MXD4: variants seen among roughly 807,000 people sequenced by gnomAD.
The protein encoded by MXD4 is MAX dimerization protein 4, also known as Mad4 homolog.
MXD4 carries 16 observed loss-of-function variants against 24.5 expected under a neutral mutation model. That is an observed-to-expected ratio of 0.65 (90% confidence interval 0.44 to 0.99). The LOEUF (loss-of-function observed/expected upper bound fraction) is 0.99, where lower values mean the gene tolerates loss of function less well. MXD4 is among the 50% of genes least tolerant of loss of function. The pLI is 0.00. For missense variants in MXD4, 301 were observed against 301.5 expected (o/e 1.00, Z 0.01); for synonymous variants, 164 against 134.2 (o/e 1.22, Z -1.54).
chr4:2,260,664 C>T (rs1020382508), intron 2 of MXD4: 1 of 440,348 alleles, frequency 2.3e-6, no homozygotes, highest in South Asian at 1.6e-5. Flanking sequence ...CGGGTCCCAG[C>T]CAGGGCAGCT....
intron 4 of MXD4, 36 bp from the exon 5 acceptor site, chr4:2,251,282 A>G: frequency 6.5e-7 from 1 of 1,538,572 alleles, no homozygotes; most frequent in African/African-American, 1.4e-5. Context: ...CACAGCGGGA[A>G]GAGGAGTCCC....
chr4:2,250,803 C>T (rs1560112355), intron 5 of MXD4, 102 bp from the exon 6 acceptor site: 16 of 1,421,714 alleles, frequency 1.1e-5, no homozygotes, highest in South Asian at 7.0e-5. Flanking sequence ...GGCAGAAGTG[C>T]GGAGGGCGCT....
At chr4:2,255,029 C>A (rs762576826) in intron 3 of MXD4, 29 of 349,184 alleles carry the variant, frequency 8.3e-5, no homozygotes, top group Non-Finnish European at 1.0e-4. Context: ...CAGGACTGTC[C>A]GGAAGTCCCT....
chr4:2,259,334 T>A (rs989813580), intron 2 of MXD4, among the ~76,000 whole-genome samples: 2 of 151,742 alleles, frequency 1.3e-5, no homozygotes, highest in African/African-American at 4.8e-5. Context: ...GTTGGTCACA[T>A]GGGCTGGACA....
chr4:2,262,042 G>A lies in MXD4; in HGVS notation c.-62C>T, dbSNP rs1488880359. 3.3e-5 allele frequency: 31 copies of A among 939,158 alleles called. No homozygotes were observed. The highest frequency in any genetic ancestry group is 3.6e-5 in the Non-Finnish European group (28 of 782,420). 58.2% of individuals were successfully genotyped at this position (939,158 alleles called of 1,614,324 possible). On this transcript the variant is annotated 5_prime_UTR_variant, in exon 1 of 6. Coordinates refer to ENST00000337190, the MANE Select transcript of MXD4 (RefSeq NM_006454.3). ...GGCCGCTGCCCGGCCCGCTCCGGCC[G>A]GCTCCGCTCGCCGCCCACCCCGCGC... is the stretch of plus-strand genomic sequence containing the variant.
chr4:2,258,025 CAG>C lies in MXD4; in HGVS notation c.165-16_165-15del, dbSNP rs752219549. 15 of 1,613,424 alleles carry C rather than the reference CAG, an allele frequency of 9.3e-6. No individual in the cohort carries two copies. The highest frequency in any genetic ancestry group is 6.6e-5 in the South Asian group (6 of 91,080). On this transcript the variant is annotated splice_polypyrimidine_tract_variant and intron_variant, in intron 2 of 5. Coordinates refer to ENST00000337190, the MANE Select transcript of MXD4 (RefSeq NM_006454.3). ...TTGTGTGAAGACCTGTTTAGAAAGA[CAG>C]AAAGACAGAGCTCACTCTTCTGCCT... is the stretch of plus-strand genomic sequence containing the variant.
intron 2 of MXD4, chr4:2,260,678 G>C (rs1490062974): frequency 1.9e-5 from 8 of 427,252 alleles, no homozygotes; most frequent in Non-Finnish European, 3.8e-5. Context: ...GGCAGCTGGA[G>C]ACTCAACCAA....
At chr4:2,257,345 C>T (rs1735451899) in intron 3 of MXD4, among the ~76,000 whole-genome samples, 2 of 152,192 alleles carry the variant, frequency 1.3e-5, no homozygotes. Flanking sequence ...CTGGTCCTGG[C>T]ATGGGGGCTC....
In MXD4 at chr4:2,251,158, A is replaced by G; in HGVS notation, c.398T>C (p.Leu133Pro). The change falls in exon 5 of 6, where the codon CTG becomes CCG. Residue 133 changes from leucine (L) to proline (P), a missense_variant. Physicochemically the swap from Leu to Pro is moderately conservative, Grantham distance 98. Coordinates refer to ENST00000337190, the MANE Select transcript of MXD4 (RefSeq NM_006454.3). ...CACGCGCTCCACGCTCTGCACCGAC[A>G]GCTGCTCCAGGCGCCGCTTCAGGAA... ...HRFLKRRLEQ[L>P]SVQSVERVRT... is the part of the protein sequence containing the mutation. 1 of 1,601,182 alleles carries G rather than the reference A, an allele frequency of 6.2e-7. No homozygotes were observed. The highest frequency in any genetic ancestry group is 8.5e-7 in the Non-Finnish European group (1 of 1,173,778).
rs769405765 is a variant in MXD4 at position 2,252,388 on chromosome 4, G to A, written c.309+20C>T. The A allele has an allele frequency of 1.9e-6, 3 of 1,589,678 alleles. No individual in the cohort carries two copies. The highest frequency in any genetic ancestry group is 2.6e-6 in the Non-Finnish European group (3 of 1,160,068). On this transcript the variant is annotated intron_variant, in intron 4 of 5. Coordinates refer to ENST00000337190, the MANE Select transcript of MXD4 (RefSeq NM_006454.3). ...CTGAGGCAGCCAGACAGGGCAGGGT[G>A]GAGAGCAAGGCCCACTCACCTTGAT...
intron 2 of MXD4, among the ~76,000 whole-genome samples, chr4:2,261,498 G>T (rs571890414): frequency 1.3e-5 from 2 of 150,658 alleles, no homozygotes; most frequent in Non-Finnish European, 3.0e-5. Context: ...CTGTTTACGC[G>T]AGCGGCCCGG....
At chr4:2,261,128 G>A (rs554066413) in intron 2 of MXD4, among the ~76,000 whole-genome samples, 8 of 152,230 alleles carry the variant, frequency 5.3e-5, no homozygotes, top group Non-Finnish European at 1.2e-4. Flanking sequence ...ACTGGTGGCT[G>A]GAGTTTCGCT....
At chr4:2,260,957 C>T (rs1464809171) in intron 2 of MXD4, among the ~76,000 whole-genome samples, 2 of 152,190 alleles carry the variant, frequency 1.3e-5, no homozygotes, top group African/African-American at 4.8e-5. Context: ...GGGACCTGTA[C>T]GCACCCCAGC....
chr4:2,259,688 G>C (rs1735499932), intron 2 of MXD4, among the ~76,000 whole-genome samples: 1 of 152,156 alleles, frequency 6.6e-6, no homozygotes, highest in South Asian at 2.1e-4. Context: ...GCTCCTCCTG[G>C]GCCCAGAGAC....
In MXD4 at chr4:2,251,237, C is replaced by T. The variant is rs1216027329; in HGVS notation, c.319G>A (p.Glu107Lys). 9 of 1,597,002 alleles carry T rather than the reference C, an allele frequency of 5.6e-6. No homozygotes were observed. Among genetic ancestry groups the T allele is most frequent in the Non-Finnish European group, 7.7e-6 (9 of 1,168,948 alleles). The part of the protein sequence containing the change: ...RAKVHIKKLE[E>K]QDRRALSIKE... ...ATGCTCAGTGCCCGGCGGTCCTGCT[C>T]CTCCAGTTTCTGGGGTCGAGGGGGG... Residue 107 changes from glutamate to lysine, a missense_variant, in exon 5 of 6, where the codon GAG becomes AAG. Coordinates refer to ENST00000337190, the MANE Select transcript of MXD4 (RefSeq NM_006454.3).
chr4:2,261,743 C>A lies in MXD4; in HGVS notation c.146G>T (p.Arg49Leu). The change falls in exon 2 of 6, where the codon CGC becomes CTC. Residue 49 changes from arginine (R) to leucine (L), a missense_variant. Coordinates refer to ENST00000337190, the MANE Select transcript of MXD4 (RefSeq NM_006454.3). ...REKTKAAGLV[R>L]KAPNNRSSHN... is the part of the protein sequence containing the mutation. ...GCGGTACCTGTTGTTCGGGGCCTTG[C>A]GCACCAGGCCGGCCGCCTTTGTTTT... 7.1e-7 allele frequency: 1 copy of A among 1,415,328 alleles called. No individual in the cohort carries two copies. The highest frequency in any genetic ancestry group is 9.3e-7 in the Non-Finnish European group (1 of 1,076,986). 87.7% of individuals were successfully genotyped at this position (1,415,328 alleles called of 1,614,324 possible).
chr4:2,250,976 G>A lies in MXD4; in HGVS notation c.472+108C>T, dbSNP rs892388216. The A allele has an allele frequency of 7.8e-5, 105 of 1,353,610 alleles. No homozygotes were observed. The Middle Eastern group carries it at 8.0e-4, about 10-fold the overall frequency. 83.8% of individuals were successfully genotyped at this position (1,353,610 alleles called of 1,614,324 possible). A position where few individuals can be genotyped will look rare whatever the true frequency, so the allele number is the denominator to read the frequency against. On this transcript the variant is annotated intron_variant, in intron 5 of 5. Coordinates refer to ENST00000337190, the MANE Select transcript of MXD4 (RefSeq NM_006454.3). ...CACACCCCAGTGCAGCAGGGAGCTGGGAGGGTTCTCCCCAGCCCCAGCACC... is the reference window on the plus strand; with the variant it reads ...CACACCCCAGTGCAGCAGGGAGCTGAGAGGGTTCTCCCCAGCCCCAGCACC...
chr4:2,252,696 G>A (rs1354880353), intron 3 of MXD4, 174 bp from the exon 4 acceptor site: 4 of 568,104 alleles, frequency 7.0e-6, no homozygotes, highest in East Asian at 6.1e-5. Context: ...CCCCCAGGAG[G>A]AGCCCAACAC....
chr4:2,258,211 C>T (rs1290293268), intron 2 of MXD4, among the ~76,000 whole-genome samples, 200 bp from the exon 3 acceptor site: 3 of 152,254 alleles, frequency 2.0e-5, no homozygotes, highest in South Asian at 4.1e-4. Context: ...TAAGGGTGGG[C>T]GCTGGTTGTC....
Sources: gnomAD v4.1 joint callset for allele counts (sites outside exome capture counted in the v4.1 genomes callset) on GRCh38, gnomAD v4.1.1 for gene constraint, MANE v1.5 for transcripts, NCBI Gene and HGNC (gene_info 2026-07-23, HGNC 2026-07-21) for gene names.